Variants in TXLNB observed in about 807,000 individuals in gnomAD.
The protein encoded by TXLNB is beta-taxilin.
TXLNB carries 37 observed loss-of-function variants against 57.4 expected under a neutral mutation model. The observed-to-expected ratio is 0.64, with a 90% CI of 0.50 to 0.85. The LOEUF (loss-of-function observed/expected upper bound fraction) is 0.85, where lower values mean the gene tolerates loss of function less well. TXLNB is among the 40% of genes least tolerant of loss of function. The pLI is 0.00. For missense variants in TXLNB, 848 were observed against 825.6 expected (o/e 1.03, Z -0.33); for synonymous variants, 302 against 309.6 (o/e 0.98, Z 0.26).
At chr6:139,235,998 A>G (rs1267865102), downstream of TXLNB, among the ~76,000 whole-genome samples, 1 of 152,166 alleles carries the variant, frequency 6.6e-6, no homozygotes, top group Non-Finnish European at 1.5e-5. Context: ...GTCAGAGAAG[A>G]GTCCGGACGC....
chr6:139,257,948 T>C (rs1232595169), intron 6 of TXLNB, among the ~76,000 whole-genome samples: 1 of 152,170 alleles, frequency 6.6e-6, no homozygotes, highest in Non-Finnish European at 1.5e-5. Context: ...AATGGTCCTA[T>C]GAGAGGACTG....
chr6:139,171,374 A>G, the TXLNB span, among the ~76,000 whole-genome samples: 3 of 152,230 alleles, frequency 2.0e-5, no homozygotes, highest in Non-Finnish European at 2.9e-5. Context: ...ACATACATAA[A>G]TAGATAATGC....
the TXLNB span, chr6:139,178,496 TA>T: frequency 1.6e-5 from 2 of 123,222 alleles, no homozygotes; most frequent in Non-Finnish European, 1.7e-5. Flanking sequence ...ATTTGGTTTA[TA>T]CTTTTTTTTT....
chr6:139,169,646 A>AG, the TXLNB span: 1 of 152,210 alleles, frequency 6.6e-6, no homozygotes, highest in South Asian at 2.1e-4. Flanking sequence ...AGGTTGGCTT[A>AG]GGGGGCCTCA....
chr6:139,281,605 G>A (rs2114614940), intron 2 of TXLNB, among the ~76,000 whole-genome samples: 1 of 92,930 alleles, frequency 1.1e-5, no homozygotes, highest in Non-Finnish European at 1.8e-5. Flanking sequence ...CTGGAGTGCA[G>A]TGGCGCGATC....
chr6:139,200,450 G>A, the TXLNB span, among the ~76,000 whole-genome samples: 6 of 152,160 alleles, frequency 3.9e-5, no homozygotes, highest in South Asian at 2.1e-4. Context: ...CATGTTTAGC[G>A]AGGACCCTGT....
chr6:139,211,200 C>A, the TXLNB span, among the ~76,000 whole-genome samples: 1 of 152,196 alleles, frequency 6.6e-6, no homozygotes, highest in Non-Finnish European at 1.5e-5. Flanking sequence ...GGTCCCTGAC[C>A]CCTGAGTAGC....
At chr6:139,261,989 C>CA (rs1450509880) in intron 5 of TXLNB, among the ~76,000 whole-genome samples, 7 of 150,882 alleles carry the variant, frequency 4.6e-5, no homozygotes, top group Non-Finnish European at 1.0e-4. Context: ...CTGCAACCTC[C>CA]ACCTCCTGGG....
the TXLNB span, among the ~76,000 whole-genome samples, chr6:139,216,878 G>C: frequency 6.6e-6 from 1 of 152,126 alleles, no homozygotes; most frequent in Admixed American, 6.6e-5. Flanking sequence ...AGAGTTGGAG[G>C]GGGTTAGGGA....
At chr6:139,322,789 G>A in the TXLNB span, among the ~76,000 whole-genome samples, 1 of 152,074 alleles carries the variant, frequency 6.6e-6, no homozygotes, top group East Asian at 1.9e-4. Flanking sequence ...TTTTTCTGTA[G>A]AAAAAACACA....
the TXLNB span, among the ~76,000 whole-genome samples, chr6:139,208,159 A>G: frequency 1.4e-3 from 218 of 152,344 alleles, 11 homozygotes; most frequent in South Asian, 0.044. Context: ...CAAGACTACT[A>G]TGAACACCTT....
At chr6:139,189,572 AG>A in the TXLNB span, among the ~76,000 whole-genome samples, 2 of 152,206 alleles carry the variant, frequency 1.3e-5, no homozygotes, top group African/African-American at 4.8e-5. Flanking sequence ...GAAATAAGAA[AG>A]GTCTGAAATA....
chr6:139,213,391 G>A, the TXLNB span, among the ~76,000 whole-genome samples: 30 of 152,272 alleles, frequency 2.0e-4, no homozygotes, highest in South Asian at 1.2e-3. Context: ...GGTACATAAC[G>A]AAATGAAGGT....
At chr6:139,305,031 G>C in the TXLNB span, among the ~76,000 whole-genome samples, 2 of 152,132 alleles carry the variant, frequency 1.3e-5, no homozygotes, top group African/African-American at 4.8e-5. Flanking sequence ...GGGCAATTTT[G>C]ATAGCCTGTA....
At chr6:139,320,938 G>T in the TXLNB span, among the ~76,000 whole-genome samples, 3 of 152,142 alleles carry the variant, frequency 2.0e-5, no homozygotes, top group Non-Finnish European at 4.4e-5. Flanking sequence ...CCACTCTAAG[G>T]CAACTGTGAA....
chr6:139,195,077 G>A, the TXLNB span, among the ~76,000 whole-genome samples: 13,308 of 152,206 alleles, frequency 0.087, 849 homozygotes, highest in Non-Finnish European at 0.14. Flanking sequence ...TTTCTCAAGG[G>A]CCTTCAGGGA....
intron 3 of TXLNB, among the ~76,000 whole-genome samples, chr6:139,275,478 G>A (rs1361865851): frequency 6.6e-6 from 1 of 152,130 alleles, no homozygotes; most frequent in African/African-American, 2.4e-5. Flanking sequence ...TGAGGGATTA[G>A]AGATTTTTTG....
the TXLNB span, among the ~76,000 whole-genome samples, chr6:139,220,714 T>C: frequency 6.6e-6 from 1 of 152,226 alleles, no homozygotes; most frequent in Non-Finnish European, 1.5e-5. Context: ...AAAACTTACT[T>C]GCCCAGTTTC....
chr6:139,181,546 A>C, the TXLNB span, among the ~76,000 whole-genome samples: 160 of 152,304 alleles, frequency 1.1e-3, no homozygotes, highest in Middle Eastern at 3.4e-3. Flanking sequence ...TATTTTACCC[A>C]AAAGTGACCC....
Sources: gnomAD v4.1 joint callset for allele counts (sites outside exome capture counted in the v4.1 genomes callset) on GRCh38, gnomAD v4.1.1 for gene constraint, MANE v1.5 for transcripts, NCBI Gene and HGNC (gene_info 2026-07-23, HGNC 2026-07-21) for gene names.